Variants in ZNF609 observed in about 807,000 individuals in gnomAD.
The protein encoded by ZNF609 is zinc finger protein 609.
ZNF609 carries 11 observed loss-of-function variants against 109.5 expected under a neutral mutation model. The observed-to-expected ratio is 0.10, with a 90% confidence interval of 0.06 to 0.17. The LOEUF (loss-of-function observed/expected upper bound fraction) is 0.17, where lower values mean the gene tolerates loss of function less well. Ranked by LOEUF, ZNF609 falls within the 10% of genes least tolerant of loss-of-function variation. The pLI is 1.00. For missense variants in ZNF609, 1,559 were observed against 1,772.4 expected (o/e 0.88, Z 2.16); for synonymous variants, 646 against 662.0 (o/e 0.98, Z 0.37).
intron 3 of ZNF609, among the ~76,000 whole-genome samples, chr15:64,634,118 A>C (rs1008057111): frequency 4.6e-5 from 7 of 152,028 alleles, no homozygotes; most frequent in Non-Finnish European, 7.4e-5. Flanking sequence ...TCTGAGATGG[A>C]AAGAAGAGTA....
At chr15:64,494,724 T>C (rs1446067943) in intron 1 of ZNF609, among the ~76,000 whole-genome samples, 2 of 151,922 alleles carry the variant, frequency 1.3e-5, no homozygotes, top group Non-Finnish European at 2.9e-5. Flanking sequence ...CGGGGTTTCA[T>C]CATGTTGGCC....
intron 2 of ZNF609, among the ~76,000 whole-genome samples, chr15:64,548,826 ATT>A (rs1894412544): frequency 6.6e-6 from 1 of 152,188 alleles, no homozygotes; most frequent in African/African-American, 2.4e-5. Context: ...TTAGAGAGTT[ATT>A]TGTTCTGCAT....
At position 64,460,624 on chromosome 15, in the gene ZNF609, A is replaced by T. The variant is rs1057000311; in HGVS notation, c.-342A>T. 4.6e-5 allele frequency: 7 copies of T among 151,674 alleles called. No individual in the cohort carries two copies. Among genetic ancestry groups the T allele is most frequent in the Admixed American group, 3.6e-4 (5 of 14,050 alleles). The allele number at this position is 151,674 out of a possible 1,614,324, so 9.4% of individuals were successfully genotyped here. ...CGGCGGCGGTGGCGGCGGCTGAGGG[A>T]CCCGCGGCCCCGGACACAGCGGCAC... On this transcript the variant is annotated 5_prime_UTR_variant, in exon 1 of 10. Coordinates refer to ENST00000326648, the MANE Select transcript of ZNF609 (RefSeq NM_015042.2).
intron 2 of ZNF609, among the ~76,000 whole-genome samples, chr15:64,571,236 G>C (rs1421038014): frequency 6.6e-6 from 1 of 152,158 alleles, no homozygotes; most frequent in African/African-American, 2.4e-5. Flanking sequence ...TCCCTCAGCA[G>C]AGCAGAAACA....
chr15:64,547,581 A>G (rs1245600633), intron 2 of ZNF609, among the ~76,000 whole-genome samples: 2 of 152,040 alleles, frequency 1.3e-5, no homozygotes, highest in Non-Finnish European at 2.9e-5. Context: ...CATAAGAAGT[A>G]CTTCCTAAAA....
intron 3 of ZNF609, among the ~76,000 whole-genome samples, chr15:64,645,221 G>A (rs1356784762): frequency 6.6e-6 from 1 of 151,400 alleles, no homozygotes; most frequent in African/African-American, 2.4e-5. Context: ...CCTCTAGGTA[G>A]CTGAGACTAC....
intron 2 of ZNF609, among the ~76,000 whole-genome samples, chr15:64,601,775 C>T (rs1895501882): frequency 6.6e-6 from 1 of 152,188 alleles, no homozygotes; most frequent in Non-Finnish European, 1.5e-5. Context: ...TGGTGCTTAA[C>T]AGTGATCTTC....
In ZNF609 at chr15:64,555,978, C is replaced by T. The variant is rs118147741; in HGVS notation, c.747+55812C>T. Reference sequence around the variant, plus strand: ...CCCATAATCCTACATGTAGCAATAACGCAATAACTACCTTTTTTTTTTTTT... The same window carrying T: ...CCCATAATCCTACATGTAGCAATAATGCAATAACTACCTTTTTTTTTTTTT... On this transcript the variant is annotated intron_variant, in intron 2 of 9. Transcript: ENST00000326648. Among the ~76,000 whole-genome samples the T allele has an allele frequency of 6.4e-3, 943 of 146,504 alleles. 7 individuals carry two copies. Among genetic ancestry groups the T allele is most frequent in the Middle Eastern group, 0.033 (9 of 272 alleles).
chr15:64,653,059 A>G (rs1363346806), intron 3 of ZNF609: 1 of 152,238 alleles, frequency 6.6e-6, no homozygotes, highest in Non-Finnish European at 1.5e-5. Context: ...TAGACAGGGC[A>G]TCCAGCTCTG....
chr15:64,628,254 T>C (rs1432791279), intron 3 of ZNF609, among the ~76,000 whole-genome samples: 2 of 152,012 alleles, frequency 1.3e-5, no homozygotes, highest in African/African-American at 4.8e-5. Flanking sequence ...TGAGCTATGA[T>C]TGTGCCACTG....
At chr15:64,666,402 ATAAT>A (rs1896649380) in intron 3 of ZNF609, among the ~76,000 whole-genome samples, 1 of 152,236 alleles carries the variant, frequency 6.6e-6, no homozygotes, top group Non-Finnish European at 1.5e-5. Context: ...CAAAATAAAA[ATAAT>A]TAAATAAAAA....
At chr15:64,474,456 G>T (rs554657780) in intron 1 of ZNF609, among the ~76,000 whole-genome samples, 43 of 149,006 alleles carry the variant, frequency 2.9e-4, no homozygotes, top group African/African-American at 1.0e-3. Context: ...CAGGTGATCC[G>T]CCTGCCTCAG....
chr15:64,606,700 C>G lies in ZNF609; in HGVS notation c.748-16127C>G, dbSNP rs77594977. On this transcript the variant is annotated intron_variant, in intron 2 of 9. Coordinates refer to ENST00000326648, the MANE Select transcript of ZNF609 (RefSeq NM_015042.2). ...AGCTGGGATTATAGGCATGAGCTACCACTTCTGCCAAGATCAGCATTTATA... is the reference window on the plus strand; with the variant it reads ...AGCTGGGATTATAGGCATGAGCTACGACTTCTGCCAAGATCAGCATTTATA... Among the ~76,000 whole-genome samples the G allele has an allele frequency of 4.6e-5, 7 of 152,234 alleles. No homozygotes were observed. In the East Asian group the frequency reaches 1.4e-3, roughly 29 times the overall value.
intron 2 of ZNF609, among the ~76,000 whole-genome samples, chr15:64,557,343 C>G (rs1894606347): frequency 1.3e-5 from 2 of 152,024 alleles, no homozygotes; most frequent in African/African-American, 4.8e-5. Context: ...CAAATTTACT[C>G]TTCTACTCCT....
intron 2 of ZNF609, among the ~76,000 whole-genome samples, chr15:64,607,751 C>T (rs140232868): frequency 0.013 from 2,035 of 151,810 alleles, 139 homozygotes; most frequent in Admixed American, 0.12. Context: ...GTGATCCACC[C>T]TCCTTGGCCC....
chr15:64,657,785 A>G (rs535031190), intron 3 of ZNF609, among the ~76,000 whole-genome samples: 19 of 152,278 alleles, frequency 1.2e-4, no homozygotes, highest in African/African-American at 4.6e-4. Flanking sequence ...AGAGGAAGAC[A>G]TTATTCAGAG....
chr15:64,513,698 A>G (rs1430540572), intron 2 of ZNF609, among the ~76,000 whole-genome samples: 1 of 152,220 alleles, frequency 6.6e-6, no homozygotes, highest in Non-Finnish European at 1.5e-5. Flanking sequence ...GAGCTAGACT[A>G]TATTAATGAA....
At chr15:64,625,612 C>T (rs1315570890) in intron 3 of ZNF609, among the ~76,000 whole-genome samples, 1 of 151,652 alleles carries the variant, frequency 6.6e-6, no homozygotes, top group African/African-American at 2.4e-5. Context: ...CTAGAGGAGC[C>T]GGGTGCGGTG....
chr15:64,615,109 G>A (rs1275038180), intron 2 of ZNF609, among the ~76,000 whole-genome samples: 1 of 150,624 alleles, frequency 6.6e-6, no homozygotes, highest in East Asian at 2.0e-4. Context: ...GAGCCACCAG[G>A]CCTGGCCTGT....
Sources: allele counts gnomAD v4.1 joint callset (sites outside exome capture counted in the v4.1 genomes callset), GRCh38; gene constraint gnomAD v4.1.1; transcripts MANE v1.5; gene names NCBI Gene and HGNC (gene_info 2026-07-23, HGNC 2026-07-21).